Variants in BRD9 observed in about 807,000 individuals in gnomAD.
BRD9 encodes the protein bromodomain containing 9, also known as bromodomain-containing protein 9.
In BRD9, 47 loss-of-function variants were observed where a neutral mutation model predicts 68.7. The ratio of observed to expected loss-of-function variants is 0.68; its 90% CI spans 0.54 to 0.87. The LOEUF (loss-of-function observed/expected upper bound fraction) is 0.87. Among genes scored for constraint, BRD9 ranks in the 40% least tolerant of loss-of-function variants. The probability of loss-of-function intolerance (pLI) is 0.00; values close to 1 mark genes in which losing one functional copy is unlikely to be tolerated. For synonymous variants in BRD9, 313 were observed against 293.9 expected, an observed-to-expected ratio of 1.06 and a Z score of -0.67; for missense variants, 670 against 748.4, an observed-to-expected ratio of 0.90 and a Z score of 1.22.
intron 5 of BRD9, 113 bp downstream of exon 5, chr5:888,908 A>T: frequency 8.9e-7 from 1 of 1,127,266 alleles, no homozygotes; most frequent in Non-Finnish European, 1.2e-6. Flanking sequence ...CCGAACACAG[A>T]AACACCTGTG....
intron 14 of BRD9, chr5:866,603 G>A (rs59039994): frequency 0.16 from 24,983 of 152,570 alleles, 4,039 homozygotes; most frequent in African/African-American, 0.42. Flanking sequence ...AGATGGAGAC[G>A]AGGACCCCAT....
chr5:884,160 C>T (rs755725395), intron 7 of BRD9, 90 bp from the exon 8 acceptor site: 32 of 1,518,746 alleles, frequency 2.1e-5, no homozygotes, highest in Non-Finnish European at 2.5e-5. Flanking sequence ...CAGCTTCTAC[C>T]GACCCTGCCC....
Position 884,021 on chromosome 5 carries a change from C to A in BRD9, c.883G>T (p.Ala295Ser). ...GNACSLTDST[A>S]EEHVLALVEH... is the part of the protein sequence containing the mutation. ...ACCAGCGCCAGCACGTGCTCCTCTG[C>A]GGTACTGTCCGTCAAGCTGCAGGCA... The change falls in exon 8 of 16, where the codon GCA (alanine) becomes TCA (serine). Residue 295 changes from alanine (A) to serine (S), a missense_variant. Ala to Ser is a moderately conservative substitution (Grantham distance 99). This residue lies in a region of BRD9 where 135 missense variants were observed against 141.2 expected (regional missense o/e 0.96). Coordinates refer to ENST00000467963, the MANE Select transcript of BRD9 (RefSeq NM_023924.5). 1.9e-6 allele frequency: 3 copies of A among 1,613,854 alleles called. No individual in the cohort carries two copies. Among genetic ancestry groups the A allele is most frequent in the Non-Finnish European group, 2.5e-6 (3 of 1,180,044 alleles).
At chr5:869,345 C>A (rs537199492) in intron 14 of BRD9, 2 of 456,108 alleles carry the variant, frequency 4.4e-6, no homozygotes, top group Non-Finnish European at 8.8e-6. Context: ...TAATAAGACA[C>A]CAAATTCCGA....
chr5:877,250 A>C (rs1188334676), intron 11 of BRD9, among the ~76,000 whole-genome samples: 1 of 152,002 alleles, frequency 6.6e-6, no homozygotes, highest in South Asian at 2.1e-4. Flanking sequence ...GCCTTGGCCC[A>C]GGCTGGGCAG....
intron 3 of BRD9, among the ~76,000 whole-genome samples, chr5:890,204 A>G (rs1753155718): frequency 2.0e-5 from 3 of 152,180 alleles, no homozygotes; most frequent in Non-Finnish European, 2.9e-5. Flanking sequence ...AAAATAAATT[A>G]AAAAAAGAAA....
chr5:873,882 C>T (rs1750513686), intron 12 of BRD9, among the ~76,000 whole-genome samples: 1 of 152,302 alleles, frequency 6.6e-6, no homozygotes, highest in East Asian at 1.9e-4. Flanking sequence ...GCAGAGACCA[C>T]GCTGAAAAGA....
chr5:892,292 A>G (rs1753559716), intron 1 of BRD9: 3 of 511,238 alleles, frequency 5.9e-6, no homozygotes, highest in Non-Finnish European at 9.8e-6. Context: ...GGCGGGAGAA[A>G]GGGCAGCCCA....
chr5:880,873 C>T (rs1241527880), intron 9 of BRD9, among the ~76,000 whole-genome samples: 5 of 152,214 alleles, frequency 3.3e-5, no homozygotes, highest in East Asian at 1.9e-4. Context: ...GCTCGAGTCC[C>T]GCTGCTCCCA....
chr5:864,645 C>A, intron 15 of BRD9, 77 bp from the exon 16 acceptor site: 1 of 1,347,210 alleles, frequency 7.4e-7, no homozygotes, highest in Non-Finnish European at 1.0e-6. Context: ...AGCCCAAGGT[C>A]TGCTTCCTGA....
At chr5:865,352 C>T (rs1380928512) in intron 15 of BRD9, 62 bp downstream of exon 15, 1 of 1,499,500 alleles carries the variant, frequency 6.7e-7, no homozygotes, top group Non-Finnish European at 8.9e-7. Context: ...ACTACCTCGT[C>T]TAGACGTCAC....
chr5:865,855 G>A (rs72703131), intron 14 of BRD9: 12,977 of 349,444 alleles, frequency 0.037, 310 homozygotes, highest in Non-Finnish European at 0.048. Context: ...GTCATGGCAC[G>A]CACAGACACC....
At chr5:886,740 T>G (rs368833365) in intron 6 of BRD9, 33 bp from the exon 7 acceptor site, 1 of 1,613,852 alleles carries the variant, frequency 6.2e-7, no homozygotes, top group Non-Finnish European at 8.5e-7. Context: ...ATAAACGACA[T>G]GCTGCGCTTC....
In BRD9 at chr5:892,782, C is replaced by A. The variant is rs1425686189; in HGVS notation, c.-125G>T. 2.8e-6 allele frequency: 3 copies of A among 1,070,036 alleles called. No homozygotes were observed. Among genetic ancestry groups the A allele is most frequent in the East Asian group, 7.1e-5 (2 of 28,030 alleles). The allele number at this position is 1,070,036 out of a possible 1,614,324, so 66.3% of individuals were successfully genotyped here. ...CTCGCTGCGCCGAGGTTGCCGAGCT[C>A]GCTGGGCCGCGCCGGAAACGGGGCG... is the stretch of plus-strand genomic sequence containing the variant. On this transcript the variant is annotated 5_prime_UTR_variant, in exon 1 of 16. Transcript: ENST00000467963.
intron 14 of BRD9, among the ~76,000 whole-genome samples, chr5:869,657 T>C (rs1749851424): frequency 6.6e-6 from 1 of 152,242 alleles, no homozygotes; most frequent in African/African-American, 2.4e-5. Context: ...GAACCTTGGC[T>C]TCTACAACTG....
chr5:872,180 G>T (rs1050793480), intron 12 of BRD9, among the ~76,000 whole-genome samples: 2 of 152,236 alleles, frequency 1.3e-5, no homozygotes, highest in African/African-American at 4.8e-5. Context: ...CCGGTGGAGC[G>T]ATGCTGTAGT....
chr5:883,837 C>G, intron 8 of BRD9, 101 bp downstream of exon 8: 1 of 1,498,352 alleles, frequency 6.7e-7, no homozygotes, highest in Admixed American at 2.0e-5. Context: ...CCTCTGGATC[C>G]CGGTGGCTGT....
At chr5:876,637 G>A (rs1345150059) in intron 11 of BRD9, among the ~76,000 whole-genome samples, 1 of 152,146 alleles carries the variant, frequency 6.6e-6, no homozygotes, top group African/African-American at 2.4e-5. Context: ...ACTCCTTTTA[G>A]TACCATCCTG....
intron 8 of BRD9, chr5:882,966 A>G (rs1752008310): frequency 1.1e-5 from 3 of 270,892 alleles, no homozygotes; most frequent in African/African-American, 2.9e-5. Context: ...CTCCCAACAC[A>G]CAAGCCACGC....
Sources: allele counts gnomAD v4.1 joint callset (sites outside exome capture counted in the v4.1 genomes callset), GRCh38; gene constraint gnomAD v4.1.1; regional missense constraint gnomAD v4.1.1; transcripts MANE v1.5; gene names NCBI Gene and HGNC (gene_info 2026-07-23, HGNC 2026-07-21).